Variants in ZNF730 observed in about 807,000 individuals in gnomAD.
The protein encoded by ZNF730 is putative zinc finger protein 730.
A neutral mutation model predicts 12.6 loss-of-function variants in ZNF730; 12 were observed. That is an observed-to-expected ratio of 0.95 (90% CI 0.61 to 1.54). The LOEUF (loss-of-function observed/expected upper bound fraction) is 1.54, where lower values mean the gene tolerates loss of function less well. Ranked by LOEUF, ZNF730 falls within the 40% of genes most tolerant of loss-of-function variation. ZNF730 has a pLI of 0.00. For missense variants in ZNF730, 643 were observed against 583.5 expected, an observed-to-expected ratio of 1.10 and a Z score of -1.05; for synonymous variants, 194 against 195.8, an observed-to-expected ratio of 0.99 and a Z score of 0.08.
chr19:23,130,651 A>G lies in ZNF730; in HGVS notation c.4-3429A>G, dbSNP rs190731223. On this transcript the variant is annotated intron_variant, in intron 1 of 3. Transcript: ENST00000597761. Reference sequence around the variant, plus strand: ...AAATACATATTCATCTTTTAATAAAATTATCCGCGGAAACCTTAAATGATT... The same window carrying G: ...AAATACATATTCATCTTTTAATAAAGTTATCCGCGGAAACCTTAAATGATT... Among the ~76,000 whole-genome samples the G allele has an allele frequency of 4.6e-5, 7 of 152,312 alleles. No individual in the cohort carries two copies. In the East Asian group the frequency reaches 1.2e-3, roughly 25 times the overall value.
chr19:23,127,071 T>A, intron 1 of ZNF730: 1 of 521,012 alleles, frequency 1.9e-6, no homozygotes, highest in South Asian at 1.5e-5. Flanking sequence ...ATTGTAATAA[T>A]CTGCAGCACT....
chr19:23,103,309 T>A (rs1161692837), intron 1 of ZNF730, among the ~76,000 whole-genome samples: 1 of 152,216 alleles, frequency 6.6e-6, no homozygotes, highest in Non-Finnish European at 1.5e-5. Flanking sequence ...GTGGTTATAT[T>A]GACTAAATTC....
At chr19:23,094,376 A>G (rs1970212946) in intron 1 of ZNF730, among the ~76,000 whole-genome samples, 1 of 143,282 alleles carries the variant, frequency 7.0e-6, no homozygotes, top group Non-Finnish European at 1.5e-5. Context: ...CTATCTATCT[A>G]TCTATCTATC....
At chr19:23,130,674 ATT>A (rs1970734418) in intron 1 of ZNF730, among the ~76,000 whole-genome samples, 1 of 152,190 alleles carries the variant, frequency 6.6e-6, no homozygotes, top group Non-Finnish European at 1.5e-5. Context: ...ACCTTAAATG[ATT>A]TGTTTAAATG....
intron 1 of ZNF730, among the ~76,000 whole-genome samples, chr19:23,125,468 A>C (rs989515379): frequency 6.6e-6 from 1 of 152,218 alleles, no homozygotes; most frequent in African/African-American, 2.4e-5. Flanking sequence ...TCAGATGGAC[A>C]TGAGGAACTT....
At chr19:23,137,563 A>G (rs1401579478) in intron 3 of ZNF730, among the ~76,000 whole-genome samples, 4 of 152,208 alleles carry the variant, frequency 2.6e-5, no homozygotes, top group Non-Finnish European at 5.9e-5. Flanking sequence ...AGTGACTTTA[A>G]AAATTTATTT....
At chr19:23,132,868 T>A (rs1599596189) in intron 1 of ZNF730, among the ~76,000 whole-genome samples, 1 of 152,246 alleles carries the variant, frequency 6.6e-6, no homozygotes. Flanking sequence ...TTAACAATTA[T>A]AGAACATGGG....
chr19:23,129,101 G>A lies in ZNF730; in HGVS notation c.4-4979G>A, dbSNP rs1284430938. On this transcript the variant is annotated intron_variant, in intron 1 of 3. Transcript: ENST00000597761. ...ATTTCAGAGCTATATGGGAACCCCT[G>A]GATGGCCAGGCAGAAGTTTGCAGCA... Among the ~76,000 whole-genome samples the A allele has an allele frequency of 2.0e-5, 3 of 152,176 alleles. No homozygotes were observed. In the East Asian group the frequency reaches 5.8e-4, roughly 29 times the overall value.
At chr19:23,108,389 G>T (rs1339567141) in intron 1 of ZNF730, among the ~76,000 whole-genome samples, 1 of 152,070 alleles carries the variant, frequency 6.6e-6, no homozygotes, top group Non-Finnish European at 1.5e-5. Flanking sequence ...AAAACAATTG[G>T]TTTAGGATGA....
intron 1 of ZNF730, among the ~76,000 whole-genome samples, chr19:23,104,424 T>G (rs1970369157): frequency 6.6e-6 from 1 of 152,156 alleles, no homozygotes; most frequent in Non-Finnish European, 1.5e-5. Flanking sequence ...TTTTTGACTT[T>G]TGCTTGGTAT....
chr19:23,103,655 T>A (rs1170394472), intron 1 of ZNF730, among the ~76,000 whole-genome samples: 1 of 152,200 alleles, frequency 6.6e-6, no homozygotes, highest in Non-Finnish European at 1.5e-5. Flanking sequence ...TTATTTGACA[T>A]GTTTAGGTAC....
intron 1 of ZNF730, chr19:23,127,805 A>G (rs1361965761): frequency 1.3e-5 from 9 of 717,086 alleles, no homozygotes; most frequent in Non-Finnish European, 2.0e-5. Context: ...TGGCTGCTCC[A>G]CAGGATGATA....
At chr19:23,101,900 A>C (rs1440340119) in intron 1 of ZNF730, among the ~76,000 whole-genome samples, 1 of 151,922 alleles carries the variant, frequency 6.6e-6, no homozygotes, top group Non-Finnish European at 1.5e-5. Flanking sequence ...GATGTGAGTT[A>C]TTTTTCTTGC....
In ZNF730 at chr19:23,104,481, T is replaced by G. The variant is rs554812788; in HGVS notation, c.-94+29094T>G. ...TTTTAGAGTCAAGGAAACTTGTTTT[T>G]AACTACTATTTATGGCCTTCAATAA... On this transcript the variant is annotated intron_variant, in intron 1 of 2. Coordinates refer to the ZNF730 transcript ENST00000593635. Among the ~76,000 whole-genome samples the G allele has an allele frequency of 4.6e-5, 7 of 152,314 alleles. No homozygotes were observed. The East Asian group carries it at 1.4e-3, about 29-fold the overall frequency.
At chr19:23,134,605 G>T (rs1191535268) in intron 2 of ZNF730, among the ~76,000 whole-genome samples, 6 of 145,858 alleles carry the variant, frequency 4.1e-5, no homozygotes, top group African/African-American at 7.6e-5. Context: ...GTGGGGGGGG[G>T]GGTCAGCCCC....
intron 3 of ZNF730, chr19:23,144,172 A>G (rs1417010494): frequency 6.6e-6 from 1 of 152,042 alleles, no homozygotes; most frequent in African/African-American, 2.4e-5. Flanking sequence ...AAAATTTTAT[A>G]ATATTTTTGA....
intron 1 of ZNF730, among the ~76,000 whole-genome samples, chr19:23,078,431 A>G (rs1969905053): frequency 6.6e-6 from 1 of 152,052 alleles, no homozygotes; most frequent in East Asian, 1.9e-4. Context: ...TGCACCAGAG[A>G]TGTTTATGTA....
chr19:23,092,012 T>C (rs778596529), intron 1 of ZNF730, among the ~76,000 whole-genome samples: 2 of 152,108 alleles, frequency 1.3e-5, no homozygotes, highest in Non-Finnish European at 2.9e-5. Flanking sequence ...AGAAGTCCCG[T>C]GTTTTGTGGG....
intron 3 of ZNF730, among the ~76,000 whole-genome samples, chr19:23,139,043 A>G (rs954126983): frequency 6.6e-6 from 1 of 152,168 alleles, no homozygotes; most frequent in Non-Finnish European, 1.5e-5. Flanking sequence ...GAAATATACT[A>G]GAATTGACAT....
Sources: allele counts gnomAD v4.1 joint callset (sites outside exome capture counted in the v4.1 genomes callset), GRCh38; gene constraint gnomAD v4.1.1; transcripts MANE v1.5; gene names NCBI Gene and HGNC (gene_info 2026-07-23, HGNC 2026-07-21).